Variants in MFF observed in about 807,000 individuals in gnomAD.
MFF encodes the protein chromosome 2 open reading frame 33.
MFF carries 12 observed loss-of-function variants against 36.9 expected under a neutral mutation model. The observed-to-expected ratio is 0.33, with a 90% CI of 0.21 to 0.53. MFF has a LOEUF of 0.53. Among genes scored for constraint, MFF ranks in the 20% least tolerant of loss-of-function variants. The pLI is 0.95. For synonymous variants in MFF, 99 were observed against 126.2 expected, an observed-to-expected ratio of 0.78 and a Z score of 1.44; for missense variants, 348 against 366.6, an observed-to-expected ratio of 0.95 and a Z score of 0.42.
intron 5 of MFF, among the ~76,000 whole-genome samples, chr2:227,343,424 A>G (rs1358950129): frequency 6.6e-6 from 1 of 152,222 alleles, no homozygotes; most frequent in Non-Finnish European, 1.5e-5. Flanking sequence ...CTTAAGCAAC[A>G]GAAGAAACTG....
At chr2:227,342,608 T>C in intron 5 of MFF, 1 of 626,638 alleles carries the variant, frequency 1.6e-6, no homozygotes, top group South Asian at 2.1e-5. Flanking sequence ...CTTTGTTTTC[T>C]TAATTACTTC....
At chr2:227,338,369 CAA>C (rs373093427) in intron 4 of MFF, among the ~76,000 whole-genome samples, 13 of 114,758 alleles carry the variant, frequency 1.1e-4, no homozygotes, top group Non-Finnish European at 1.3e-4. Flanking sequence ...CACTCTGTCT[CAA>C]AAAAAAAAAA....
chr2:227,333,420 G>A (rs1267595985), intron 4 of MFF, among the ~76,000 whole-genome samples: 1 of 152,086 alleles, frequency 6.6e-6, no homozygotes, highest in African/African-American at 2.4e-5. Flanking sequence ...CTAGGTATTT[G>A]GTGAAAAGCA....
intron 5 of MFF, among the ~76,000 whole-genome samples, chr2:227,340,879 T>A (rs1024696100): frequency 2.0e-5 from 3 of 152,240 alleles, no homozygotes; most frequent in African/African-American, 7.2e-5. Context: ...AGTGCTTTTT[T>A]ACTTTTTTAT....
chr2:227,353,453 A>G (rs999028940), intron 7 of MFF, among the ~76,000 whole-genome samples: 5 of 152,192 alleles, frequency 3.3e-5, no homozygotes, highest in Admixed American at 6.5e-5. Flanking sequence ...TGCTCATTAA[A>G]ATTGAATTCA....
chr2:227,330,912 T>C (rs1371114408), intron 3 of MFF, 66 bp downstream of exon 3: 2 of 1,356,184 alleles, frequency 1.5e-6, no homozygotes, highest in East Asian at 2.3e-5. Context: ...ATGAAAACTT[T>C]TGAGTTTTTC....
intron 8 of MFF, among the ~76,000 whole-genome samples, chr2:227,356,564 A>C (rs7573035): frequency 0.4 from 60,355 of 151,932 alleles, 12,234 homozygotes; most frequent in East Asian, 0.56. Context: ...TGCCAGGTTC[A>C]AGATGAACAA....
intron 6 of MFF, among the ~76,000 whole-genome samples, chr2:227,348,701 A>G (rs1332511385): frequency 1.3e-5 from 2 of 152,206 alleles, no homozygotes; most frequent in Admixed American, 6.5e-5. Flanking sequence ...ACATAGCTGC[A>G]TGATGGCCTT....
intron 4 of MFF, among the ~76,000 whole-genome samples, chr2:227,339,407 T>C (rs1467425041): frequency 6.6e-6 from 1 of 152,180 alleles, no homozygotes; most frequent in Non-Finnish European, 1.5e-5. Context: ...GTCTGGGGCC[T>C]AAGCTAGGAA....
chr2:227,333,005 A>C (rs1000628097), intron 4 of MFF, among the ~76,000 whole-genome samples: 1 of 152,238 alleles, frequency 6.6e-6, no homozygotes, highest in African/African-American at 2.4e-5. Flanking sequence ...AAAAGTTTCT[A>C]CTGAGCTACT....
In MFF at chr2:227,332,542, A is replaced by T. The variant is rs2074678176; in HGVS notation, c.305A>T (p.Asp102Val). ...CTTACGCTGAGTGAAAGACCACTAG[A>T]TTTTCTGGATTTAGAAAGACCTCCT... ...RVLTLSERPL[D>V]FLDLERPPTT... is the part of the protein sequence containing the mutation. Residue 102 changes from aspartate to valine, a missense_variant, in exon 4 of 9, where the codon GAT (aspartate) becomes GTT (valine). By Grantham distance (152) the Asp-to-Val change is radical. Transcript: ENST00000304593. 6.2e-7 allele frequency: 1 copy of T among 1,613,418 alleles called. No homozygotes were observed. Among genetic ancestry groups the T allele is most frequent in the Non-Finnish European group, 8.5e-7 (1 of 1,179,602 alleles).
chr2:227,341,196 T>C (rs1308705520), intron 5 of MFF, among the ~76,000 whole-genome samples: 1 of 152,076 alleles, frequency 6.6e-6, no homozygotes, highest in Non-Finnish European at 1.5e-5. Context: ...TATTACAGCA[T>C]ATTAATCTCT....
At chr2:227,349,214 C>T (rs1272121338) in intron 6 of MFF, among the ~76,000 whole-genome samples, 1 of 152,000 alleles carries the variant, frequency 6.6e-6, no homozygotes, top group Non-Finnish European at 1.5e-5. Flanking sequence ...CCAATTCCCC[C>T]TCACCAGCAT....
At chr2:227,337,400 A>G (rs1255342352) in intron 4 of MFF, among the ~76,000 whole-genome samples, 1 of 152,212 alleles carries the variant, frequency 6.6e-6, no homozygotes, top group East Asian at 1.9e-4. Flanking sequence ...TAAAAGTCCC[A>G]CAGAAAATGG....
At position 227,346,309 on chromosome 2, in the gene MFF, G is replaced by A. The variant is rs117114959; in HGVS notation, c.441-917G>A. ...AATGTTGAGCCCTCATTCCACTGTC[G>A]TAGTCTGTATGTCAGTTAAATACCT... On this transcript the variant is annotated intron_variant, in intron 5 of 8. Transcript: ENST00000304593. The A allele has an allele frequency of 1.5e-3, 244 of 167,078 alleles. 2 individuals are homozygous for A. The highest frequency in any genetic ancestry group is 7.5e-3 in the East Asian group (39 of 5,178). The allele number at this position is 167,078 out of a possible 1,614,324, so 10.3% of individuals were successfully genotyped here.
At chr2:227,327,521 T>G (rs1200593525) in intron 1 of MFF, among the ~76,000 whole-genome samples, 5 of 152,240 alleles carry the variant, frequency 3.3e-5, no homozygotes, top group Admixed American at 3.3e-4. Context: ...AGTTACTTTT[T>G]AAATGTAAGT....
intron 2 of MFF, 57 bp from the exon 3 acceptor site, chr2:227,330,569 C>T (rs912877999): frequency 2.7e-5 from 34 of 1,264,632 alleles, no homozygotes; most frequent in South Asian, 1.7e-4. Flanking sequence ...AACTTCACTG[C>T]GTAGAGGAGA....
At chr2:227,326,275 T>G (rs1246810650) in intron 1 of MFF, among the ~76,000 whole-genome samples, 1 of 151,730 alleles carries the variant, frequency 6.6e-6, no homozygotes, top group African/African-American at 2.4e-5. Context: ...ATAGAACCAT[T>G]TGTATTCAGG....
In MFF at chr2:227,354,752, G is replaced by A. The variant is rs554117842; in HGVS notation, c.660-925G>A. Among the ~76,000 whole-genome samples, 16 of 147,314 alleles carry A rather than the reference G, an allele frequency of 1.1e-4. No homozygotes were observed. The South Asian group carries it at 3.1e-3, about 29-fold the overall frequency. On this transcript the variant is annotated intron_variant, in intron 7 of 8. Transcript: ENST00000304593. Reference sequence around the variant, plus strand: ...GTTTTTCAGTATTATTTTATACACAGCATTTTATTCATTATTGGGCCAATT... The same window carrying A: ...GTTTTTCAGTATTATTTTATACACAACATTTTATTCATTATTGGGCCAATT...
Sources: gnomAD v4.1 joint callset for allele counts (sites outside exome capture counted in the v4.1 genomes callset) on GRCh38, gnomAD v4.1.1 for gene constraint, MANE v1.5 for transcripts, NCBI Gene and HGNC (gene_info 2026-07-23, HGNC 2026-07-21) for gene names.